Variants in SLC44A5 observed in about 807,000 individuals in gnomAD.
The protein encoded by SLC44A5 is solute carrier family 44 member 5.
In SLC44A5, 57 loss-of-function variants were observed where a neutral mutation model predicts 101.8. The ratio of observed to expected loss-of-function variants is 0.56; its 90% CI spans 0.45 to 0.70. The LOEUF is 0.70. SLC44A5 is among the 30% of genes least tolerant of loss of function. The pLI, the probability that SLC44A5 is intolerant of heterozygous loss-of-function variation, is 0.00. For synonymous variants in SLC44A5, 281 were observed against 290.9 expected, an observed-to-expected ratio of 0.97 and a Z score of 0.35; for missense variants, 737 against 853.1, an observed-to-expected ratio of 0.86 and a Z score of 1.70.
At chr1:75,265,843 CACA>C (rs1419174576) in intron 6 of SLC44A5, among the ~76,000 whole-genome samples, 1 of 152,154 alleles carries the variant, frequency 6.6e-6, no homozygotes, top group Non-Finnish European at 1.5e-5. Context: ...GTAATTTCGG[CACA>C]ACCTTTACAA....
the SLC44A5 span, among the ~76,000 whole-genome samples, chr1:75,633,430 C>T: frequency 6.6e-6 from 1 of 152,030 alleles, no homozygotes; most frequent in Non-Finnish European, 1.5e-5. Context: ...TGAAGAGGTC[C>T]TTCATGTCCC....
At chr1:75,530,497 C>T (rs1347321169) in intron 2 of SLC44A5, among the ~76,000 whole-genome samples, 2 of 152,152 alleles carry the variant, frequency 1.3e-5, no homozygotes, top group African/African-American at 2.4e-5. Flanking sequence ...TAGAAATAAA[C>T]TGTAGAAAAG....
intron 5 of SLC44A5, among the ~76,000 whole-genome samples, chr1:75,300,014 C>CAAAAA (rs35608663): frequency 0.028 from 2,594 of 93,506 alleles, 229 homozygotes; most frequent in African/African-American, 0.13. Context: ...GACTCTGTCT[C>CAAAAA]AAAAAAAAAA....
intron 22 of SLC44A5, among the ~76,000 whole-genome samples, chr1:75,212,198 C>A (rs1453405497): frequency 2.0e-5 from 3 of 151,858 alleles, no homozygotes; most frequent in East Asian, 3.9e-4. Context: ...ATTTTTTTAA[C>A]TTTTATTTTT....
At chr1:75,701,143 C>T in the SLC44A5 span, among the ~76,000 whole-genome samples, 1 of 152,152 alleles carries the variant, frequency 6.6e-6, no homozygotes, top group South Asian at 2.1e-4. Context: ...GGGAATCCTC[C>T]CTAACTCATT....
chr1:75,275,614 G>A (rs370528559), intron 5 of SLC44A5, among the ~76,000 whole-genome samples: 17 of 152,196 alleles, frequency 1.1e-4, no homozygotes, highest in South Asian at 4.2e-4. Context: ...TAATCTCAGA[G>A]CTTAATAGAA....
rs565620929 is a variant in SLC44A5 at position 75,582,522 on chromosome 1, C to T, written c.-70+28518G>A. Reference sequence around the variant, plus strand: ...GCTCCAGCTTCAATTCCAGCTCAGGCTCCCAAAGGCGCCCAGGCCACTACA... The same window carrying T: ...GCTCCAGCTTCAATTCCAGCTCAGGTTCCCAAAGGCGCCCAGGCCACTACA... On this transcript the variant is annotated intron_variant, in intron 1 of 23. Coordinates refer to ENST00000370859, the MANE Select transcript of SLC44A5 (RefSeq NM_001130058.2). 4.7e-5 allele frequency: 26 copies of T among 556,824 alleles called. No individual in the cohort carries two copies. In the Admixed American group the frequency reaches 6.1e-4, roughly 13 times the overall value. 34.5% of individuals were successfully genotyped at this position (556,824 alleles called of 1,614,324 possible). A position where few individuals can be genotyped will look rare whatever the true frequency, so the allele number is the denominator to read the frequency against.
At chr1:75,347,606 T>C (rs985200192) in intron 3 of SLC44A5, among the ~76,000 whole-genome samples, 2 of 152,004 alleles carry the variant, frequency 1.3e-5, no homozygotes, top group African/African-American at 2.4e-5. Flanking sequence ...TTATCCATTA[T>C]AAGCTGTTAT....
intron 2 of SLC44A5, among the ~76,000 whole-genome samples, chr1:75,470,346 C>A (rs1300485577): frequency 6.6e-6 from 1 of 152,266 alleles, no homozygotes; most frequent in East Asian, 1.9e-4. Context: ...TTGTGCCCTA[C>A]CTTATAAATG....
the SLC44A5 span, among the ~76,000 whole-genome samples, chr1:75,683,422 A>T: frequency 1.3e-5 from 2 of 151,754 alleles, no homozygotes; most frequent in Admixed American, 6.6e-5. Flanking sequence ...AATACTATGC[A>T]GCCATAAAAA....
chr1:75,433,066 C>G (rs957916359), intron 2 of SLC44A5, among the ~76,000 whole-genome samples: 1 of 152,018 alleles, frequency 6.6e-6, no homozygotes, highest in Non-Finnish European at 1.5e-5. Context: ...GCCTCTTTTT[C>G]TTCTGCTATA....
rs183010967 is a variant in SLC44A5 at position 75,471,721 on chromosome 1, T to G, written c.13+69714A>C. ...CTTCTACTGACTCCAGACTGGCAGC[T>G]TTTTCTTAGCTCAGTCTCTAAACCC... On this transcript the variant is annotated intron_variant, in intron 2 of 23. Coordinates refer to ENST00000370859, the MANE Select transcript of SLC44A5 (RefSeq NM_001130058.2). 6.6e-4 allele frequency among the ~76,000 whole-genome samples: 101 copies of G among 152,178 alleles called. 1 individual carries two copies. The highest frequency in any genetic ancestry group is 2.3e-3 in the African/African-American group (97 of 41,524).
intron 4 of SLC44A5, among the ~76,000 whole-genome samples, chr1:75,334,003 T>C (rs923746826): frequency 6.6e-6 from 1 of 152,286 alleles, no homozygotes; most frequent in African/African-American, 2.4e-5. Context: ...CCTAGATCTT[T>C]GCATGGCTGG....
At chr1:75,626,602 T>C in the SLC44A5 span, among the ~76,000 whole-genome samples, 1 of 152,192 alleles carries the variant, frequency 6.6e-6, no homozygotes, top group Non-Finnish European at 1.5e-5. Context: ...TTCTTTTCCA[T>C]GTACATCCTC....
intron 1 of SLC44A5, among the ~76,000 whole-genome samples, chr1:75,557,451 A>T (rs892739215): frequency 6.6e-6 from 1 of 152,118 alleles, no homozygotes; most frequent in East Asian, 1.9e-4. Flanking sequence ...TTAATTTCAC[A>T]TATTTTCCAT....
chr1:75,257,290 T>C (rs1178102530), intron 6 of SLC44A5, among the ~76,000 whole-genome samples: 1 of 152,166 alleles, frequency 6.6e-6, no homozygotes, highest in Non-Finnish European at 1.5e-5. Flanking sequence ...TTGCTTCACA[T>C]AGATGCTGAA....
At chr1:75,695,653 T>G in the SLC44A5 span, among the ~76,000 whole-genome samples, 80 of 150,258 alleles carry the variant, frequency 5.3e-4, no homozygotes, top group African/African-American at 1.9e-3. Context: ...AGGTATGTTG[T>G]CAGCAAATAA....
the SLC44A5 span, among the ~76,000 whole-genome samples, chr1:75,682,815 GGCAACCTACAAAATGGGAGAAAATTTTC>G: frequency 6.6e-6 from 1 of 152,056 alleles, no homozygotes; most frequent in Non-Finnish European, 1.5e-5. Flanking sequence ...AGACTGAACA[GGCAACCTACAAAATGGGAGAAAATTTTC>G]GCAACCTACT....
chr1:75,697,897 C>A, the SLC44A5 span, among the ~76,000 whole-genome samples: 1 of 152,216 alleles, frequency 6.6e-6, no homozygotes. Flanking sequence ...TGACAGATGG[C>A]ACCTGGAAAA....
Sources: gnomAD v4.1 joint callset for allele counts (sites outside exome capture counted in the v4.1 genomes callset) on GRCh38, gnomAD v4.1.1 for gene constraint, MANE v1.5 for transcripts, NCBI Gene and HGNC (gene_info 2026-07-23, HGNC 2026-07-21) for gene names.